ZNF318: variants seen among roughly 807,000 people sequenced by gnomAD.
The protein encoded by ZNF318 is endocrine regulator.
A neutral mutation model predicts 124.2 loss-of-function variants in ZNF318; 51 were observed. The ratio of observed to expected loss-of-function variants is 0.41; its 90% CI spans 0.33 to 0.52. ZNF318 has a LOEUF of 0.52. Ranked by LOEUF, ZNF318 falls within the 20% of genes least tolerant of loss-of-function variation. The pLI, the probability that ZNF318 is intolerant of heterozygous loss-of-function variation, is 0.23. For synonymous variants in ZNF318, 1,090 were observed against 1,040.7 expected, an observed-to-expected ratio of 1.05 and a Z score of -0.91; for missense variants, 2,815 against 2,811.2, an observed-to-expected ratio of 1.00 and a Z score of -0.03.
chr6:43,356,354 G>A (rs1779608825), intron 3 of ZNF318, among the ~76,000 whole-genome samples: 3 of 152,140 alleles, frequency 2.0e-5, no homozygotes, highest in Admixed American at 1.3e-4. Flanking sequence ...CAGGAAGTGA[G>A]GCAAACTGGA....
At position 43,369,374 on chromosome 6, in the gene ZNF318, C is replaced by T. The variant is rs1252323214; in HGVS notation, c.-9G>A. On this transcript the variant is annotated 5_prime_UTR_variant, in exon 1 of 10. Coordinates refer to ENST00000361428, the MANE Select transcript of ZNF318 (RefSeq NM_014345.3). ...GCGCTGCTGCGGTACATGGTTCTTGCAGCGGCGGCCACGGCGACAGCTCTG... is the reference window on the plus strand; with the variant it reads ...GCGCTGCTGCGGTACATGGTTCTTGTAGCGGCGGCCACGGCGACAGCTCTG... 1 of 1,249,420 alleles carries T rather than the reference C, an allele frequency of 8.0e-7. No individual in the cohort carries two copies. The highest frequency in any genetic ancestry group is 1.0e-6 in the Non-Finnish European group (1 of 991,226). The allele number at this position is 1,249,420 out of a possible 1,614,324, so 77.4% of individuals were successfully genotyped here.
In ZNF318 at chr6:43,336,946, T is replaced by C. The variant is rs1471636230; in HGVS notation, c.*212A>G. On this transcript the variant is annotated 3_prime_UTR_variant, in exon 10 of 10. Coordinates refer to ENST00000361428, the MANE Select transcript of ZNF318 (RefSeq NM_014345.3). ...ATTTTTACAGATATATATATATATA[T>C]ATAAGTTGTTATCGATTTGTCTGGT... The C allele has an allele frequency of 9.4e-6, 3 of 318,076 alleles. No individual in the cohort carries two copies. The highest frequency in any genetic ancestry group is 5.6e-6 in the Non-Finnish European group (1 of 178,046). The allele number at this position is 318,076 out of a possible 1,614,324, so 19.7% of individuals were successfully genotyped here.
At position 43,354,136 on chromosome 6, in the gene ZNF318, AATAAC is replaced by A. The variant is rs1319650542; in HGVS notation, c.2670+523_2670+527del. Among the ~76,000 whole-genome samples, 75 of 152,150 alleles carry A rather than the reference AATAAC, an allele frequency of 4.9e-4. 2 individuals carry two copies. Among genetic ancestry groups the A allele is most frequent in the African/African-American group, 2.4e-5 (1 of 41,428 alleles). ...ACACACACACGTAATTTTTTAAATA[AATAAC>A]ATGTCAAAAATGTTACTGTTACTCC... On this transcript the variant is annotated intron_variant, in intron 4 of 9. Transcript: ENST00000361428.
At chr6:43,349,199 T>C (rs1377991987) in intron 5 of ZNF318, among the ~76,000 whole-genome samples, 1 of 152,158 alleles carries the variant, frequency 6.6e-6, no homozygotes, top group Non-Finnish European at 1.5e-5. Context: ...TGAACTCCCA[T>C]AACAGTATAT....
At position 43,357,320 on chromosome 6, in the gene ZNF318, T is replaced by C; in HGVS notation, c.994A>G (p.Ser332Gly). ...RRKREEEEER[S>G]RSLSQELVGV... ...ACCAGCTCCTGACTCAAGCTCCTAC[T>C]TCGCTCCTCCTCTTCCTCTCGCTTT... Residue 332 changes from serine (S) to glycine (G), a missense_variant, in exon 3 of 10, where the codon AGT becomes GGT. Transcript: ENST00000361428. 6.2e-7 allele frequency: 1 copy of C among 1,614,166 alleles called. No homozygotes were observed. Among genetic ancestry groups the C allele is most frequent in the Admixed American group, 1.7e-5 (1 of 60,022 alleles).
Position 43,355,827 on chromosome 6 carries a change from C to G in ZNF318, c.1507G>C (p.Asp503His). 6.2e-7 allele frequency: 1 copy of G among 1,614,238 alleles called. No homozygotes were observed. Residue 503 changes from aspartate (D) to histidine (H), a missense_variant, in exon 4 of 10, where the codon GAT (aspartate) becomes CAT (histidine). Around this residue, in one of 4 missense-constraint regions of ZNF318, gnomAD observed 1,377 missense variants for 1,353.5 expected, o/e 1.02. Coordinates refer to ENST00000361428, the MANE Select transcript of ZNF318 (RefSeq NM_014345.3). ...AGAATGCGGGAAAAACCACTGCCAT[C>G]CTGGCTAGCTCTCTCATGGGGCAGC... is the stretch of plus-strand genomic sequence containing the variant. ...FLLPHERASQ[D>H]GSGFSRILSM...
Position 43,338,915 on chromosome 6 carries a change from T to G in ZNF318, c.5083A>C (p.Thr1695Pro), listed in dbSNP as rs201736060. The change falls in exon 10 of 10, where the codon ACT becomes CCT. Residue 1695 changes from threonine to proline, a missense_variant. Coordinates refer to ENST00000361428, the MANE Select transcript of ZNF318 (RefSeq NM_014345.3). ...GAACTAGAGGTCCATATGGCCAAAG[T>G]GTCTGTCTTTGGGGTAATTGTTTCA... ...PYETITPKTD[T>P]LAIWTSSSFQ... 1 of 1,614,070 alleles carries G rather than the reference T, an allele frequency of 6.2e-7. No homozygotes were observed. Among genetic ancestry groups the G allele is most frequent in the South Asian group, 1.1e-5 (1 of 91,082 alleles).
In ZNF318 at chr6:43,339,609, G is replaced by A; in HGVS notation, c.4389C>T (p.Ala1463=). Residue 1463 remains alanine, a synonymous_variant, in exon 10 of 10, where the codon GCC becomes GCT. Transcript: ENST00000361428. This position sits in a 1 kb window ranked among gnomAD's most constrained non-coding sequence, Gnocchi z 4.2. ...TAGCATTTGCTTGAGCAGCAGACGG[G>A]GCAGCTGGATGAGGTATAACGGGGG... ...PPPPVIPHPA[A]PSAAQANAIL... The A allele has an allele frequency of 6.2e-7, 1 of 1,612,810 alleles. No homozygotes were observed. The highest frequency in any genetic ancestry group is 8.5e-7 in the Non-Finnish European group (1 of 1,179,636).
At position 43,352,418 on chromosome 6, in the gene ZNF318, T is replaced by C. The variant is rs761330324; in HGVS notation, c.2729A>G (p.Tyr910Cys). The change falls in exon 5 of 10, where the codon TAC becomes TGC. Residue 910 changes from tyrosine (Y) to cysteine (C), a missense_variant. By Grantham distance (194) the Tyr-to-Cys change is radical. Transcript: ENST00000361428. ...CCGCTCTAACTCGGTCCTAAGATAG[T>C]ACATCTTCTTCTGGCGGGCTTCCCG... ...NDREARQKKM[Y>C]YLRTELERLH... is the part of the protein sequence containing the mutation. The C allele has an allele frequency of 6.2e-6, 10 of 1,614,150 alleles. No homozygotes were observed. Among genetic ancestry groups the C allele is most frequent in the Non-Finnish European group, 7.6e-6 (9 of 1,180,014 alleles).
chr6:43,346,835 A>G (rs1285923486), intron 6 of ZNF318, among the ~76,000 whole-genome samples: 1 of 152,196 alleles, frequency 6.6e-6, no homozygotes, highest in Non-Finnish European at 1.5e-5. Flanking sequence ...GCAGCGTAAG[A>G]TGTAATATAA....
chr6:43,354,493 A>G (rs12190755), intron 4 of ZNF318, among the ~76,000 whole-genome samples, 171 bp downstream of exon 4: 35,563 of 152,180 alleles, frequency 0.23, 4,497 homozygotes, highest in African/African-American at 0.33. Context: ...TAATGATAAA[A>G]CATGTGTGAA....
chr6:43,342,885 G>T lies in ZNF318; in HGVS notation c.3073-6C>A. 6.2e-7 allele frequency: 1 copy of T among 1,605,294 alleles called. No individual in the cohort carries two copies. Among genetic ancestry groups the T allele is most frequent in the Non-Finnish European group, 8.5e-7 (1 of 1,174,244 alleles). On this transcript the variant is annotated splice_region_variant and splice_polypyrimidine_tract_variant and intron_variant, in intron 6 of 9. Coordinates refer to ENST00000361428, the MANE Select transcript of ZNF318 (RefSeq NM_014345.3). ...TCATTGTTTACTTTTGATTCCTAGA[G>T]GGGAAAAATCTGTACTTACAAGGAA...
Position 43,338,722 on chromosome 6 carries a change from T to C in ZNF318, c.5276A>G (p.Lys1759Arg), listed in dbSNP as rs757244915. The C allele has an allele frequency of 6.2e-7, 1 of 1,614,214 alleles. No homozygotes were observed. The highest frequency in any genetic ancestry group is 8.5e-7 in the Non-Finnish European group (1 of 1,180,024). The change falls in exon 10 of 10, where the codon AAG (lysine) becomes AGG (arginine). Residue 1759 changes from lysine (K) to arginine (R), a missense_variant. Lys to Arg is a conservative substitution (Grantham distance 26). This residue lies in a region of ZNF318 where 927 missense variants were observed against 820.6 expected (regional missense o/e 1.13). Coordinates refer to ENST00000361428, the MANE Select transcript of ZNF318 (RefSeq NM_014345.3). ...IHLRESVNQD[K>R]ESQELRKSED... is the part of the protein sequence containing the mutation. ...AGATTTACGGAGCTCTTGGCTTTCCTTATCCTGGTTAACAGATTCTCTGAG... is the reference window on the plus strand; with the variant it reads ...AGATTTACGGAGCTCTTGGCTTTCCCTATCCTGGTTAACAGATTCTCTGAG...
At chr6:43,342,923 T>C (rs1364290680) in intron 6 of ZNF318, 44 bp from the exon 7 acceptor site, 1 of 1,500,668 alleles carries the variant, frequency 6.7e-7, no homozygotes, top group Admixed American at 1.9e-5. Context: ...CAAGGCAATC[T>C]AGACTTGTCT....
chr6:43,344,107 C>T (rs1057387589), intron 6 of ZNF318, among the ~76,000 whole-genome samples: 3 of 151,882 alleles, frequency 2.0e-5, no homozygotes, highest in African/African-American at 4.8e-5. Context: ...TATTGGCTCA[C>T]GCAGGGAAAA....
rs1415890239 is a variant in ZNF318, at chr6:43,339,521, G to C, written c.4477C>G (p.Pro1493Ala). The C allele has an allele frequency of 6.2e-7, 1 of 1,613,982 alleles. No homozygotes were observed. The highest frequency in any genetic ancestry group is 8.5e-7 in the Non-Finnish European group (1 of 1,180,034). ...GGCAACACTGGGTTCAAAATGTTAG[G>C]ACCCACGAAGCCAGGGCTGAGAGTC... Reference protein sequence around the residue: ...SQTLSPGFVGPNILNPVLPVA... With the variant: ...SQTLSPGFVGANILNPVLPVA... Residue 1493 changes from proline to alanine, a missense_variant, in exon 10 of 10, where the codon CCT (proline) becomes GCT (alanine). By Grantham distance (27) the Pro-to-Ala change is conservative. This residue lies in a region of ZNF318 where 500 missense variants were observed against 605.2 expected (regional missense o/e 0.83). Transcript: ENST00000361428. This position sits in a 1 kb window ranked among gnomAD's most constrained non-coding sequence, Gnocchi z 4.2.
intron 2 of ZNF318, among the ~76,000 whole-genome samples, chr6:43,358,089 G>A (rs1263874436): frequency 1.3e-5 from 2 of 152,126 alleles, no homozygotes; most frequent in Non-Finnish European, 2.9e-5. Context: ...AGTGTAGTGC[G>A]GACGAAACAG....
Position 43,369,025 on chromosome 6 carries a change from G to T in ZNF318, c.341C>A (p.Ser114Tyr). 7.0e-7 allele frequency: 1 copy of T among 1,427,750 alleles called. No individual in the cohort carries two copies. Among genetic ancestry groups the T allele is most frequent in the South Asian group, 1.4e-5 (1 of 73,232 alleles). 88.4% of individuals were successfully genotyped at this position (1,427,750 alleles called of 1,614,324 possible). A position where few individuals can be genotyped will look rare whatever the true frequency, so the allele number is the denominator to read the frequency against. ...AGFRGSSRGE[S>Y]RADYARDGRG... ...GCCGTCCCGGGCATAGTCGGCGCGG[G>T]ACTCCCCCCGGCTGCTGCCTCTGAA... Residue 114 changes from serine (S) to tyrosine (Y), a missense_variant, in exon 1 of 10, where the codon TCC (serine) becomes TAC (tyrosine). Physicochemically the swap from Ser to Tyr is moderately radical, Grantham distance 144 (BLOSUM62 -2). Transcript: ENST00000361428.
chr6:43,367,524 TATTCTA>T (rs1294658805), intron 1 of ZNF318, among the ~76,000 whole-genome samples: 1 of 152,152 alleles, frequency 6.6e-6, no homozygotes. Context: ...TTTGGGGATG[TATTCTA>T]GAGGTAAAGC....
Sources: allele counts gnomAD v4.1 joint callset (sites outside exome capture counted in the v4.1 genomes callset), GRCh38; gene constraint gnomAD v4.1.1; regional missense constraint gnomAD v4.1.1; non-coding constraint Gnocchi (gnomAD v3.1); transcripts MANE v1.5; gene names NCBI Gene and HGNC (gene_info 2026-07-23, HGNC 2026-07-21).